CELSR1: variants seen among roughly 807,000 people sequenced by gnomAD.
CELSR1 encodes adhesion G protein-coupled receptor C1.
A neutral mutation model predicts 249.1 loss-of-function variants in CELSR1; 110 were observed. That is an observed-to-expected ratio of 0.44 (90% confidence interval 0.38 to 0.52). CELSR1 has a LOEUF of 0.52. Among genes scored for constraint, CELSR1 ranks in the 20% least tolerant of loss-of-function variants. CELSR1 has a pLI of 0.00. For synonymous variants in CELSR1, 2,113 were observed against 1,900.0 expected (o/e 1.11, Z -2.92); for missense variants, 4,109 against 4,296.4 (o/e 0.96, Z 1.22).
intron 5 of CELSR1, among the ~76,000 whole-genome samples, chr22:46,418,505 T>A (rs1461588624): frequency 6.6e-6 from 1 of 151,556 alleles, no homozygotes; most frequent in Non-Finnish European, 1.5e-5. Context: ...AATAAATAAA[T>A]TAAAATAAAA....
At chr22:46,470,247 G>A (rs2080142664) in intron 1 of CELSR1, among the ~76,000 whole-genome samples, 1 of 151,426 alleles carries the variant, frequency 6.6e-6, no homozygotes, top group Admixed American at 6.6e-5. Flanking sequence ...AATACGCAAA[G>A]GCCACACTGA....
In CELSR1 at chr22:46,535,148, T is replaced by A; in HGVS notation, c.2023A>T (p.Ile675Phe). The change falls in exon 1 of 35, where the codon ATC becomes TTC. Residue 675 changes from isoleucine (I) to phenylalanine (F), a missense_variant. Coordinates refer to ENST00000674500, the MANE Select transcript of CELSR1 (RefSeq NM_001378328.1). ...PPMSSSTSVS[I>F]TVLDVNDNDP... ...TTGTCATTCACGTCCAGCACCGTGA[T>A]GGACACGCTGGTGGAGGAGCTCATG... The A allele has an allele frequency of 1.2e-6, 2 of 1,610,164 alleles. No homozygotes were observed. Among genetic ancestry groups the A allele is most frequent in the Non-Finnish European group, 1.7e-6 (2 of 1,179,634 alleles).
intron 1 of CELSR1, among the ~76,000 whole-genome samples, chr22:46,481,089 C>T (rs2080260890): frequency 1.3e-5 from 2 of 151,976 alleles, no homozygotes; most frequent in South Asian, 2.1e-4. Context: ...ACAAAAATTA[C>T]TTGGGCATGG....
At chr22:46,372,730 G>A (rs967160603) in intron 25 of CELSR1, among the ~76,000 whole-genome samples, 153 bp downstream of exon 25, 2 of 152,158 alleles carry the variant, frequency 1.3e-5, no homozygotes, top group African/African-American at 4.8e-5. Context: ...CCCTGTGCAT[G>A]CACTCGCAGT....
chr22:46,391,808 G>C lies in CELSR1; in HGVS notation c.5973C>G (p.Tyr1991Ter). Reference sequence around the variant, plus strand: ...AGGTGTCCTGGGCTAGGAGCTTGTAGTAATTCTCCTGCAAAAGCCAGAGGC... The same window carrying C: ...AGGTGTCCTGGGCTAGGAGCTTGTACTAATTCTCCTGCAAAAGCCAGAGGC... ...TNGQCQCKENYYKLLAQDTCL... is the reference protein window; with the variant it reads ...TNGQCQCKEN The change falls in exon 15 of 35, where the codon TAC (tyrosine) becomes TAG (stop). Residue 1991 changes from tyrosine to a stop codon, truncating the protein, a stop_gained. Transcript: ENST00000674500. LOFTEE classifies it high-confidence loss of function. This position sits in a 1 kb window ranked among gnomAD's most constrained non-coding sequence, Gnocchi z 4.3. 1 of 1,609,618 alleles carries C rather than the reference G, an allele frequency of 6.2e-7. No individual in the cohort carries two copies. Among genetic ancestry groups the C allele is most frequent in the Non-Finnish European group, 8.5e-7 (1 of 1,178,974 alleles).
intron 5 of CELSR1, among the ~76,000 whole-genome samples, chr22:46,432,264 C>T (rs896931309): frequency 6.6e-6 from 1 of 152,196 alleles, no homozygotes; most frequent in Non-Finnish European, 1.5e-5. Flanking sequence ...CCAGTGGAGG[C>T]GACACTACGA....
chr22:46,439,158 C>T (rs758519152), intron 3 of CELSR1, 31 bp downstream of exon 3: 19 of 1,588,226 alleles, frequency 1.2e-5, no homozygotes, highest in Admixed American at 8.5e-5. Flanking sequence ...CTAAAGAGAC[C>T]CCCGTGTGGC....
At chr22:46,367,940 C>T in intron 27 of CELSR1, 85 bp from the exon 28 acceptor site, 1 of 1,487,698 alleles carries the variant, frequency 6.7e-7, no homozygotes, top group Admixed American at 2.1e-5. Flanking sequence ...ACCTGTCCAC[C>T]TGCCTGCCCG....
chr22:46,367,153 T>A lies in CELSR1; in HGVS notation c.8080-35A>T, dbSNP rs374978621. 10 of 1,601,334 alleles carry A rather than the reference T, an allele frequency of 6.2e-6. No homozygotes were observed. The South Asian group carries it at 1.0e-4, about 16-fold the overall frequency. ...GGAAGGTGGGGTCAGCACCTGCTGC[T>A]GCCTCCCTAGGCACCTGCCCTTAGG... On this transcript the variant is annotated intron_variant, in intron 28 of 34. Transcript: ENST00000674500.
At chr22:46,480,856 T>A (rs1258660123) in intron 1 of CELSR1, among the ~76,000 whole-genome samples, 1 of 145,630 alleles carries the variant, frequency 6.9e-6, no homozygotes, top group Non-Finnish European at 1.5e-5. Flanking sequence ...GACTAAAACA[T>A]AAAAGAACCA....
At position 46,534,230 on chromosome 22, in the gene CELSR1, C is replaced by T. The variant is rs372733758; in HGVS notation, c.2941G>A (p.Ala981Thr). ...VDRGSPTPLS[A>T]SVEIQVTILD... ...ATGGTCACCTGGATTTCTACCGAGG[C>T]GCTAAGGGGAGTGGGACTGCCCCGA... The change falls in exon 1 of 35, where the codon GCC (alanine) becomes ACC (threonine). Residue 981 changes from alanine (A) to threonine (T), a missense_variant. By Grantham distance (58) the Ala-to-Thr change is moderately conservative. Coordinates refer to ENST00000674500, the MANE Select transcript of CELSR1 (RefSeq NM_001378328.1). This position sits in a 1 kb window ranked among gnomAD's most constrained non-coding sequence, Gnocchi z 9.7. 53 of 1,613,630 alleles carry T rather than the reference C, an allele frequency of 3.3e-5. No individual in the cohort carries two copies. Among genetic ancestry groups the T allele is most frequent in the South Asian group, 2.6e-4 (24 of 91,090 alleles).
At chr22:46,466,291 C>T (rs1239261643) in intron 1 of CELSR1, among the ~76,000 whole-genome samples, 1 of 152,252 alleles carries the variant, frequency 6.6e-6, no homozygotes, top group Admixed American at 6.5e-5. Context: ...CTCCACTGCC[C>T]TGCCCTGCCC....
chr22:46,366,128 GT>G, intron 30 of CELSR1, among the ~76,000 whole-genome samples: 1 of 20,810 alleles, frequency 4.8e-5, no homozygotes, highest in Admixed American at 3.0e-4. Context: ...GGGGGGGAAG[GT>G]TGCACGGGAA....
intron 5 of CELSR1, among the ~76,000 whole-genome samples, chr22:46,422,454 C>T (rs2079485484): frequency 6.6e-6 from 1 of 151,108 alleles, no homozygotes; most frequent in African/African-American, 2.4e-5. Flanking sequence ...AAAACCAGGG[C>T]CGGGCGCAGT....
rs1474095172 is a variant in CELSR1, at chr22:46,500,295, A to C, written c.3544+33332T>G. On this transcript the variant is annotated intron_variant, in intron 1 of 34. Coordinates refer to ENST00000674500, the MANE Select transcript of CELSR1 (RefSeq NM_001378328.1). The surrounding 1 kb of genome is among the most constrained non-coding windows in gnomAD (Gnocchi z 4.9). ...GACAAAACCCTGGCGCCCGGTTTTC[A>C]GCACCGCGCTAGGTTTTAACTGCCT... Among the ~76,000 whole-genome samples, 2 of 152,180 alleles carry C rather than the reference A, an allele frequency of 1.3e-5. No individual in the cohort carries two copies. Among genetic ancestry groups the C allele is most frequent in the African/African-American group, 2.4e-5 (1 of 41,442 alleles).
intron 22 of CELSR1, 65 bp from the exon 23 acceptor site, chr22:46,378,782 G>A: frequency 3.9e-6 from 6 of 1,556,788 alleles, no homozygotes; most frequent in Non-Finnish European, 4.4e-6. Flanking sequence ...TCTGTAAAGG[G>A]CAGCCTTTGC....
In CELSR1 at chr22:46,436,281, G is replaced by C. The variant is rs931374138; in HGVS notation, c.4415C>G (p.Thr1472Ser). 3.7e-6 allele frequency: 6 copies of C among 1,613,774 alleles called. No homozygotes were observed. In the African/African-American group the frequency reaches 8.0e-5, roughly 22 times the overall value. The change falls in exon 4 of 35, where the codon ACT (threonine) becomes AGT (serine). Residue 1472 changes from threonine (T) to serine (S), a missense_variant. Physicochemically the swap from Thr to Ser is moderately conservative, Grantham distance 58 (BLOSUM62 1). Transcript: ENST00000674500. This position sits in a 1 kb window ranked among gnomAD's most constrained non-coding sequence, Gnocchi z 5.9. The stretch of plus-strand genomic sequence containing the variant: ...GAGAAGCAAGCCGTTCCTTTCCTGA[G>C]TGGCAAACCTGTGGGGCCAAGCAGA... ...FHFTISLTFA[T>S]QERNGLLLYN...
rs1358680710 is a variant in CELSR1 at position 46,423,034 on chromosome 22, C to CT, written c.4611+10358dup. On this transcript the variant is annotated intron_variant, in intron 5 of 34. Coordinates refer to ENST00000674500, the MANE Select transcript of CELSR1 (RefSeq NM_001378328.1). The surrounding 1 kb of genome is among the most constrained non-coding windows in gnomAD (Gnocchi z 5.6). ...TCCATGTCTCTACCTAGAGGCTGGGCTTGGCCACATGACCTGGGCAACAGG... is the reference window on the plus strand; with the variant it reads ...TCCATGTCTCTACCTAGAGGCTGGGCTTTGGCCACATGACCTGGGCAACAGG... Among the ~76,000 whole-genome samples the CT allele has an allele frequency of 7.9e-5, 12 of 152,174 alleles. No homozygotes were observed. Among genetic ancestry groups the CT allele is most frequent in the Admixed American group, 1.3e-4 (2 of 15,282 alleles).
chr22:46,537,280 G>C lies in CELSR1; in HGVS notation c.-110C>G, dbSNP rs1434586821. 2.0e-6 allele frequency: 2 copies of C among 995,470 alleles called. No homozygotes were observed. The highest frequency in any genetic ancestry group is 2.4e-6 in the Non-Finnish European group (2 of 836,902). The allele number at this position is 995,470 out of a possible 1,614,324, so 61.7% of individuals were successfully genotyped here. On this transcript the variant is annotated 5_prime_UTR_variant, in exon 1 of 35. Coordinates refer to ENST00000674500, the MANE Select transcript of CELSR1 (RefSeq NM_001378328.1). The surrounding 1 kb of genome is among the most constrained non-coding windows in gnomAD (Gnocchi z 5.8). ...AGCGGCTCCCGGGCGCCCGGCCCTC[G>C]GGGCGGTCCGCGTCCCGCCTCCCCG...
Sources: allele counts gnomAD v4.1 joint callset (sites outside exome capture counted in the v4.1 genomes callset), GRCh38; gene constraint gnomAD v4.1.1; non-coding constraint Gnocchi (gnomAD v3.1); transcripts MANE v1.5; gene names NCBI Gene and HGNC (gene_info 2026-07-23, HGNC 2026-07-21).